Variants in RALYL observed in about 807,000 individuals in gnomAD.
The protein encoded by RALYL is RALY RNA binding protein like, also known as RNA-binding Raly-like protein.
In RALYL, 29 loss-of-function variants were observed where a neutral mutation model predicts 35.1. The observed-to-expected ratio is 0.83, with a 90% CI of 0.61 to 1.13. RALYL has a LOEUF of 1.13. RALYL is among the 50% of genes most tolerant of loss of function. The pLI is 0.00. For synonymous variants in RALYL, 120 were observed against 127.6 expected (o/e 0.94, Z 0.40); for missense variants, 359 against 360.4 (o/e 1.00, Z 0.03).
intron 2 of RALYL, among the ~76,000 whole-genome samples, chr8:84,756,589 C>A (rs930110898): frequency 2.6e-5 from 4 of 152,070 alleles, no homozygotes; most frequent in Admixed American, 2.6e-4. Context: ...TCCCAACAGC[C>A]GGGCTGTTAA....
rs114874929 is a variant in RALYL, at chr8:84,448,477, C to T, written c.-23-80822C>T. Among the ~76,000 whole-genome samples the T allele has an allele frequency of 5.2e-3, 789 of 152,084 alleles. 8 individuals are homozygous for T. Among genetic ancestry groups the T allele is most frequent in the African/African-American group, 0.018 (748 of 41,506 alleles). On this transcript the variant is annotated intron_variant, in intron 1 of 8. Coordinates refer to ENST00000521268, the MANE Select transcript of RALYL (RefSeq NM_173848.7). ...CTTGCCTCAATTGCATTTCTGCCCCCGCCCCCATATAGTGCACCACTTATG... is the reference window on the plus strand; with the variant it reads ...CTTGCCTCAATTGCATTTCTGCCCCTGCCCCCATATAGTGCACCACTTATG...
intron 2 of RALYL, among the ~76,000 whole-genome samples, chr8:84,649,246 TG>T (rs982513679): frequency 2.0e-5 from 3 of 152,134 alleles, no homozygotes; most frequent in African/African-American, 7.2e-5. Flanking sequence ...TTCACTCTGA[TG>T]GTAGTTTCTT....
At chr8:84,224,661 C>CTT (rs11406770) in intron 1 of RALYL, among the ~76,000 whole-genome samples, 11,250 of 147,192 alleles carry the variant, frequency 0.076, 465 homozygotes, top group Middle Eastern at 0.099. Context: ...TTCATTATTA[C>CTT]TTTTTTTTTT....
intron 1 of RALYL, among the ~76,000 whole-genome samples, chr8:84,504,617 T>C (rs984147795): frequency 6.6e-6 from 1 of 152,118 alleles, no homozygotes; most frequent in Admixed American, 6.6e-5. Context: ...TTATCTCTTA[T>C]AGGAAAAAGG....
At chr8:84,409,919 A>C (rs2043932877) in intron 1 of RALYL, among the ~76,000 whole-genome samples, 2 of 151,980 alleles carry the variant, frequency 1.3e-5, no homozygotes, top group Non-Finnish European at 2.9e-5. Context: ...GATGTTGTAG[A>C]ACAAATGACA....
rs185389126 is a variant in RALYL at position 84,452,498 on chromosome 8, T to G, written c.-23-76801T>G. Among the ~76,000 whole-genome samples, 688 of 152,052 alleles carry G rather than the reference T, an allele frequency of 4.5e-3. 1 individual carries two copies. Among genetic ancestry groups the G allele is most frequent in the Admixed American group, 7.2e-3 (109 of 15,222 alleles). On this transcript the variant is annotated intron_variant, in intron 1 of 8. Transcript: ENST00000521268. ...CTTTTTGTCTATATTAGGAAACTTT[T>G]TTGGTTCTCATCTCACTAGTAAAAA...
In RALYL at chr8:84,913,030, G is replaced by GGTAGGTA. The variant is rs1200070224; in HGVS notation, c.859-7863_859-7862insTAGGTAG. On this transcript the variant is annotated intron_variant, in intron 8 of 8. Coordinates refer to ENST00000521268, the MANE Select transcript of RALYL (RefSeq NM_173848.7). ...TGGATGGATGGATGGATGGATGGAT[G>GGTAGGTA]GATAGGTAGGTAGATAGATAGATAG... 8.4e-4 allele frequency among the ~76,000 whole-genome samples: 64 copies of GGTAGGTA among 76,192 alleles called. 1 individual carries two copies. Among genetic ancestry groups the GGTAGGTA allele is most frequent in the African/African-American group, 2.3e-3 (62 of 26,566 alleles). The allele number at this position is 76,192 out of a possible 152,430, so 50.0% of individuals were successfully genotyped here. A position where few individuals can be genotyped will look rare whatever the true frequency, so the allele number is the denominator to read the frequency against.
intron 1 of RALYL, among the ~76,000 whole-genome samples, chr8:84,301,186 T>C (rs1254431945): frequency 6.6e-6 from 1 of 152,082 alleles, no homozygotes; most frequent in South Asian, 2.1e-4. Flanking sequence ...TTTCTTTTCT[T>C]TAAGAATGCT....
intron 3 of RALYL, among the ~76,000 whole-genome samples, chr8:84,779,073 A>C (rs2133675499): frequency 6.6e-6 from 1 of 152,318 alleles, no homozygotes; most frequent in Non-Finnish European, 1.5e-5. Flanking sequence ...ACATTTCATA[A>C]ATATTGGACC....
chr8:84,491,925 A>G (rs1454358493), intron 1 of RALYL, among the ~76,000 whole-genome samples: 3 of 151,952 alleles, frequency 2.0e-5, no homozygotes, highest in Non-Finnish European at 4.4e-5. Context: ...AATCTTCATT[A>G]TTTGTAAAAT....
At chr8:84,359,669 A>G (rs1265745542) in intron 1 of RALYL, among the ~76,000 whole-genome samples, 1 of 152,084 alleles carries the variant, frequency 6.6e-6, no homozygotes, top group African/African-American at 2.4e-5. Context: ...TGCTTTTAAA[A>G]TCTGAATTAA....
intron 1 of RALYL, among the ~76,000 whole-genome samples, chr8:84,293,015 A>G (rs1839054654): frequency 6.6e-6 from 1 of 152,180 alleles, no homozygotes; most frequent in African/African-American, 2.4e-5. Context: ...GAATATAGGT[A>G]GTGCTAATGA....
Position 84,567,394 on chromosome 8 carries a change from A to G in RALYL, c.256+37817A>G, listed in dbSNP as rs570403916. Among the ~76,000 whole-genome samples the G allele has an allele frequency of 4.0e-5, 6 of 151,690 alleles. No individual in the cohort carries two copies. In the South Asian group the frequency reaches 1.2e-3, roughly 31 times the overall value. On this transcript the variant is annotated intron_variant, in intron 2 of 8. Coordinates refer to ENST00000521268, the MANE Select transcript of RALYL (RefSeq NM_173848.7). ...TCCCTTTTTGGAGTCCCCAGTGCCT[A>G]TTATTTTTATCTGTATGTCCATGTG... is the stretch of plus-strand genomic sequence containing the variant.
chr8:84,864,797 C>A, intron 6 of RALYL: 1 of 617,786 alleles, frequency 1.6e-6, no homozygotes, highest in Non-Finnish European at 3.1e-6. Context: ...GCCAGCCCTG[C>A]AGCAGAGCTT....
At chr8:84,330,266 ACT>A (rs1378739306) in intron 1 of RALYL, among the ~76,000 whole-genome samples, 1 of 151,794 alleles carries the variant, frequency 6.6e-6, no homozygotes. Context: ...AAACATAAAC[ACT>A]CTACTGTTTA....
chr8:84,641,386 A>T (rs1471203568), intron 2 of RALYL, among the ~76,000 whole-genome samples: 1 of 151,778 alleles, frequency 6.6e-6, no homozygotes, highest in Non-Finnish European at 1.5e-5. Flanking sequence ...GTCAGATGTT[A>T]GCATTTTATA....
At chr8:84,308,194 G>A (rs1451582844) in intron 1 of RALYL, among the ~76,000 whole-genome samples, 1 of 151,804 alleles carries the variant, frequency 6.6e-6, no homozygotes, top group African/African-American at 2.4e-5. Context: ...ACAAAGAGCA[G>A]AGAAGAAAAA....
intron 1 of RALYL, among the ~76,000 whole-genome samples, chr8:84,265,837 A>G (rs1019804352): frequency 1.7e-4 from 26 of 152,260 alleles, no homozygotes; most frequent in African/African-American, 6.0e-4. Context: ...ACACAAACCT[A>G]TAATTTTTTA....
At chr8:84,462,348 G>A (rs1190398584) in intron 1 of RALYL, among the ~76,000 whole-genome samples, 1 of 150,760 alleles carries the variant, frequency 6.6e-6, no homozygotes, top group Non-Finnish European at 1.5e-5. Context: ...GTCTCTTTTC[G>A]GATATGTCTT....
Sources: gnomAD v4.1 joint callset for allele counts (sites outside exome capture counted in the v4.1 genomes callset) on GRCh38, gnomAD v4.1.1 for gene constraint, MANE v1.5 for transcripts, NCBI Gene and HGNC (gene_info 2026-07-23, HGNC 2026-07-21) for gene names.